VAV2: variants seen among roughly 807,000 people sequenced by gnomAD.
VAV2 encodes the protein vav guanine nucleotide exchange factor 2.
Under a neutral mutation model 132.5 loss-of-function variants are expected in VAV2, and 67 were observed. The observed-to-expected ratio is 0.51, with a 90% CI of 0.42 to 0.62. VAV2 has a LOEUF of 0.62. VAV2 is among the 20% of genes least tolerant of loss of function. The pLI is 0.00. For synonymous variants in VAV2, 492 were observed against 443.5 expected, an observed-to-expected ratio of 1.11 and a Z score of -1.37; for missense variants, 938 against 1,153.6, an observed-to-expected ratio of 0.81 and a Z score of 2.71.
chr9:133,861,048 C>A (rs1307129765), intron 3 of VAV2, among the ~76,000 whole-genome samples: 1 of 152,220 alleles, frequency 6.6e-6, no homozygotes, highest in African/African-American at 2.4e-5. Flanking sequence ...CTCGGCACAG[C>A]CCCCGGTTCT....
chr9:133,837,631 G>A (rs935945282), intron 3 of VAV2, among the ~76,000 whole-genome samples: 10 of 151,810 alleles, frequency 6.6e-5, no homozygotes, highest in African/African-American at 1.7e-4. Context: ...CCCGGGAGGC[G>A]GAGGTTGCTG....
intron 29 of VAV2, among the ~76,000 whole-genome samples, chr9:133,764,683 G>T (rs986192262): frequency 6.6e-6 from 1 of 152,108 alleles, no homozygotes; most frequent in Non-Finnish European, 1.5e-5. Flanking sequence ...CTGTAAGACA[G>T]GTCACCAGAA....
At chr9:133,770,330 C>A (rs1377829539) in intron 27 of VAV2, 48 bp downstream of exon 27, 1 of 1,610,694 alleles carries the variant, frequency 6.2e-7, no homozygotes, top group Non-Finnish European at 8.5e-7. Context: ...TGGGCCAGGG[C>A]AGACCCCTCC....
chr9:133,943,819 C>T (rs1335852867), intron 1 of VAV2, among the ~76,000 whole-genome samples: 5 of 152,244 alleles, frequency 3.3e-5, no homozygotes, highest in Admixed American at 2.0e-4. Flanking sequence ...GCCCTGGAAA[C>T]GTCAGCCCCT....
At position 133,834,265 on chromosome 9, in the gene VAV2, G is replaced by T; in HGVS notation, c.449+7C>A. 1 of 1,463,682 alleles carries T rather than the reference G, an allele frequency of 6.8e-7. No homozygotes were observed. Among genetic ancestry groups the T allele is most frequent in the Non-Finnish European group, 9.3e-7 (1 of 1,073,200 alleles). The allele number at this position is 1,463,682 out of a possible 1,614,324, so 90.7% of individuals were successfully genotyped here. A position where few individuals can be genotyped will look rare whatever the true frequency, so the allele number is the denominator to read the frequency against. The stretch of plus-strand genomic sequence containing the variant: ...TCTCCATCCCTCCTCCCATCCCCCC[G>T]CCTTACTCGGCCAGCTCCTCCAGGC... On this transcript the variant is annotated splice_region_variant and intron_variant, in intron 4 of 29. Transcript: ENST00000371850. This position sits in a 1 kb window ranked among gnomAD's most constrained non-coding sequence, Gnocchi z 5.9.
intron 2 of VAV2, among the ~76,000 whole-genome samples, chr9:133,910,472 C>T (rs1457771089): frequency 6.6e-6 from 1 of 151,954 alleles, no homozygotes; most frequent in East Asian, 1.9e-4. Context: ...AGATGAGGTG[C>T]CAAGGTTCAG....
chr9:133,847,946 A>G (rs539311424), intron 3 of VAV2, among the ~76,000 whole-genome samples: 1 of 152,294 alleles, frequency 6.6e-6, no homozygotes, highest in East Asian at 1.9e-4. Flanking sequence ...CAAGTCCAAG[A>G]GTCCACTTCA....
chr9:133,779,779 G>T, intron 21 of VAV2, 139 bp downstream of exon 21: 1 of 1,157,146 alleles, frequency 8.6e-7, no homozygotes, highest in Non-Finnish European at 1.2e-6. Context: ...GAGGGAGGGG[G>T]CCCAGATGGC....
At chr9:133,792,672 C>CCGGG (rs2131625177) in intron 12 of VAV2, among the ~76,000 whole-genome samples, 1 of 142,166 alleles carries the variant, frequency 7.0e-6, no homozygotes, top group East Asian at 2.1e-4. Flanking sequence ...GCTCAGCCCC[C>CCGGG]AAGGGACCCC....
intron 2 of VAV2, among the ~76,000 whole-genome samples, chr9:133,872,927 A>G (rs558437167): frequency 1.3e-5 from 2 of 152,268 alleles, no homozygotes; most frequent in East Asian, 3.9e-4. Flanking sequence ...AGCCTGGGCA[A>G]CGTGGTGAAA....
rs530566421 is a variant in VAV2 at position 133,773,189 on chromosome 9, C to A, written c.2136-1143G>T. ...GCTGGACGGCAGAGCCTACTGCACACCCCACACCTAGGCTGGACGGCAAAG... is the reference window on the plus strand; with the variant it reads ...GCTGGACGGCAGAGCCTACTGCACAACCCACACCTAGGCTGGACGGCAAAG... On this transcript the variant is annotated intron_variant, in intron 25 of 29. Transcript: ENST00000371850. Among the ~76,000 whole-genome samples, 3 of 144,024 alleles carry A rather than the reference C, an allele frequency of 2.1e-5. No individual in the cohort carries two copies. In the East Asian group the frequency reaches 5.9e-4, roughly 28 times the overall value. 94.5% of individuals were successfully genotyped at this position (144,024 alleles called of 152,430 possible). A position where few individuals can be genotyped will look rare whatever the true frequency, so the allele number is the denominator to read the frequency against.
rs1834196258 is a variant in VAV2 at position 133,785,868 on chromosome 9, G to A, written c.1440C>T (p.Tyr480=). ...CCTGCTTTCCTTGAAGGTGAATTAG[G>A]TAGAAGCCGTAGGACCACTGCAGGG... is the stretch of plus-strand genomic sequence containing the variant. The part of the protein sequence containing the change: ...SHGKMWSYGF[Y]LIHLQGKQGF... The change falls in exon 17 of 30, where the codon TAC becomes TAT. Residue 480 remains tyrosine (Y), a synonymous_variant. Transcript: ENST00000371850. 2 of 1,613,440 alleles carry A rather than the reference G, an allele frequency of 1.2e-6. No homozygotes were observed. The highest frequency in any genetic ancestry group is 1.7e-5 in the Admixed American group (1 of 59,948).
intron 1 of VAV2, among the ~76,000 whole-genome samples, chr9:133,970,846 T>C (rs1842308272): frequency 6.6e-6 from 1 of 152,206 alleles, no homozygotes; most frequent in Non-Finnish European, 1.5e-5. Flanking sequence ...TTCTGTACTC[T>C]TGCTTTAATC....
At chr9:133,886,347 G>A (rs952958645) in intron 2 of VAV2, among the ~76,000 whole-genome samples, 1 of 152,174 alleles carries the variant, frequency 6.6e-6, no homozygotes, top group African/African-American at 2.4e-5. Flanking sequence ...AGCCTACCGC[G>A]TGCCTAACCC....
At chr9:133,903,078 G>GAAAAAA (rs61131449) in intron 2 of VAV2, among the ~76,000 whole-genome samples, 2 of 105,372 alleles carry the variant, frequency 1.9e-5, no homozygotes, top group Non-Finnish European at 3.9e-5. Flanking sequence ...CCTGCCCCAG[G>GAAAAAA]AAAAAAAAAA....
intron 3 of VAV2, among the ~76,000 whole-genome samples, chr9:133,859,327 C>T (rs1158537936): frequency 6.6e-6 from 1 of 152,226 alleles, no homozygotes; most frequent in East Asian, 1.9e-4. Flanking sequence ...GCATCGAGAG[C>T]CTGACACGGG....
chr9:133,979,608 G>T (rs1842630412), intron 1 of VAV2, among the ~76,000 whole-genome samples: 1 of 152,172 alleles, frequency 6.6e-6, no homozygotes, highest in African/African-American at 2.4e-5. Context: ...ACGGCCGCCG[G>T]CAGGACAGGC....
intron 2 of VAV2, among the ~76,000 whole-genome samples, chr9:133,929,394 C>T (rs79134964): frequency 1.3e-5 from 2 of 152,270 alleles, no homozygotes; most frequent in East Asian, 1.9e-4. Flanking sequence ...CTCCTGGTGA[C>T]TGCCAGGTGC....
intron 2 of VAV2, among the ~76,000 whole-genome samples, chr9:133,917,920 ACCCT>A (rs1840158351): frequency 2.8e-4 from 11 of 38,870 alleles, no homozygotes; most frequent in African/African-American, 1.1e-3. Flanking sequence ...TGGTCCCCCC[ACCCT>A]CCCGGCTGAA....
Sources: gnomAD v4.1 joint callset for allele counts (sites outside exome capture counted in the v4.1 genomes callset) on GRCh38, gnomAD v4.1.1 for gene constraint, Gnocchi (gnomAD v3.1) non-coding constraint, MANE v1.5 for transcripts, NCBI Gene and HGNC (gene_info 2026-07-23, HGNC 2026-07-21) for gene names.